Variants in SPATA22 observed in about 807,000 individuals in gnomAD.
SPATA22 encodes spermatogenesis associated 22.
A neutral mutation model predicts 47.8 loss-of-function variants in SPATA22; 29 were observed. That is an observed-to-expected ratio of 0.61 (90% confidence interval 0.45 to 0.83). The LOEUF is 0.83. SPATA22 is among the 40% of genes least tolerant of loss of function. The pLI is 0.00. For synonymous variants in SPATA22, 133 were observed against 140.9 expected (o/e 0.94, Z 0.40); for missense variants, 410 against 421.7 (o/e 0.97, Z 0.24).
upstream of SPATA22, among the ~76,000 whole-genome samples, chr17:3,473,221 T>A (rs530993366): frequency 4.6e-5 from 7 of 152,310 alleles, no homozygotes; most frequent in East Asian, 9.6e-4. Context: ...TTTATACTTG[T>A]CTTTTTCTGC....
chr17:3,506,952 A>G (rs2074045663), intron 1 of SPATA22, among the ~76,000 whole-genome samples: 1 of 137,472 alleles, frequency 7.3e-6, no homozygotes, highest in Non-Finnish European at 1.6e-5. Context: ...AAGACAGAAA[A>G]AGAGAGAGAG....
At chr17:3,462,435 G>T in intron 5 of SPATA22, 48 bp downstream of exon 5, 1 of 1,320,284 alleles carries the variant, frequency 7.6e-7, no homozygotes, top group Non-Finnish European at 1.1e-6. Flanking sequence ...GAGGAAGACA[G>T]GAAAATGAGA....
chr17:3,443,333 AAG>A, intron 7 of SPATA22, 62 bp from the exon 8 acceptor site: 3 of 1,191,072 alleles, frequency 2.5e-6, no homozygotes, highest in Non-Finnish European at 2.4e-6. Flanking sequence ...AAATTTAACA[AAG>A]AGAAGCTGAT....
At chr17:3,447,789 A>C (rs1350174103) in intron 6 of SPATA22, among the ~76,000 whole-genome samples, 3 of 152,158 alleles carry the variant, frequency 2.0e-5, no homozygotes, top group African/African-American at 7.2e-5. Context: ...GTGATGTAAC[A>C]TTTAAGACAG....
rs1477701159 is a variant in SPATA22 at position 3,465,135 on chromosome 17, AC to A, written c.172+2290del. On this transcript the variant is annotated intron_variant, in intron 3 of 8. Coordinates refer to ENST00000572969, the MANE Select transcript of SPATA22 (RefSeq NM_001170698.2). ...TGAGGAGCGTCTCCGCCCGGCAGCC[AC>A]CCCGTCCGGGAGGGAGGTGGGGGGG... Among the ~76,000 whole-genome samples, 5 of 102,404 alleles carry A rather than the reference AC, an allele frequency of 4.9e-5. 1 individual carries two copies. In the East Asian group the frequency reaches 1.8e-3, roughly 37 times the overall value. The allele number at this position is 102,404 out of a possible 152,430, so 67.2% of individuals were successfully genotyped here.
intron 5 of SPATA22, among the ~76,000 whole-genome samples, chr17:3,452,356 G>A (rs2072882376): frequency 6.6e-6 from 1 of 151,186 alleles, no homozygotes. Flanking sequence ...CACTTTGGGA[G>A]GCCGAGGCAG....
At chr17:3,482,239 A>C (rs985781784) in intron 1 of SPATA22, among the ~76,000 whole-genome samples, 1 of 152,216 alleles carries the variant, frequency 6.6e-6, no homozygotes, top group African/African-American at 2.4e-5. Context: ...AACTTAAGAA[A>C]TAGTCCTTTA....
Position 3,461,442 on chromosome 17 carries a change from C to A in SPATA22, c.329+1041G>T, listed in dbSNP as rs147848459. Among the ~76,000 whole-genome samples the A allele has an allele frequency of 1.8e-3, 279 of 152,220 alleles. 1 individual carries two copies. The highest frequency in any genetic ancestry group is 6.6e-3 in the African/African-American group (273 of 41,546). On this transcript the variant is annotated intron_variant, in intron 5 of 8. Coordinates refer to ENST00000572969, the MANE Select transcript of SPATA22 (RefSeq NM_001170698.2). ...GTAATATCCAATACTGGCTGCCTGTCCAGATTACAATCTGTTTACCTAATT... is the reference window on the plus strand; with the variant it reads ...GTAATATCCAATACTGGCTGCCTGTACAGATTACAATCTGTTTACCTAATT...
chr17:3,507,736 T>G (rs2074055308), intron 1 of SPATA22, among the ~76,000 whole-genome samples: 1 of 152,160 alleles, frequency 6.6e-6, no homozygotes, highest in South Asian at 2.1e-4. Context: ...ATAACCAACA[T>G]GACCGGAAGA....
chr17:3,479,614 C>T (rs2073592831), intron 1 of SPATA22, among the ~76,000 whole-genome samples: 1 of 152,008 alleles, frequency 6.6e-6, no homozygotes, highest in Non-Finnish European at 1.5e-5. Context: ...ACCATCTCAA[C>T]GTGGCCCTTT....
intron 3 of SPATA22, among the ~76,000 whole-genome samples, chr17:3,463,505 T>C (rs1402638005): frequency 6.6e-6 from 1 of 152,094 alleles, no homozygotes; most frequent in East Asian, 1.9e-4. Flanking sequence ...TAAAAACCAA[T>C]ACACCTAAGA....
intron 1 of SPATA22, chr17:3,483,652 A>G (rs1316236831): frequency 1.4e-6 from 2 of 1,462,268 alleles, no homozygotes; most frequent in East Asian, 4.5e-5. Flanking sequence ...AAACTCAGAG[A>G]AATTTATTTT....
At chr17:3,468,143 A>C (rs1266004391) in intron 2 of SPATA22, 1 of 152,210 alleles carries the variant, frequency 6.6e-6, no homozygotes, top group Non-Finnish European at 1.5e-5. Flanking sequence ...TATTTTGTGG[A>C]TCATTTTGAG....
intron 7 of SPATA22, among the ~76,000 whole-genome samples, chr17:3,445,205 T>C (rs1449638971): frequency 6.6e-6 from 1 of 152,152 alleles, no homozygotes; most frequent in Non-Finnish European, 1.5e-5. Flanking sequence ...GTTCTACCTC[T>C]GACAGTATTC....
At chr17:3,481,195 A>T (rs2073621073) in intron 1 of SPATA22, among the ~76,000 whole-genome samples, 1 of 152,192 alleles carries the variant, frequency 6.6e-6, no homozygotes. Flanking sequence ...GTGCACTAGA[A>T]TTAGCTAAAG....
At position 3,440,168 on chromosome 17, in the gene SPATA22, A is replaced by C. The variant is rs774503292; in HGVS notation, c.1071T>G (p.Ile357Met). 1.3e-5 allele frequency: 21 copies of C among 1,591,330 alleles called. No individual in the cohort carries two copies. The South Asian group carries it at 2.3e-4, about 17-fold the overall frequency. ...KIADVEMQYY[I>M]NVMNET ...CTACTTAAGTTTCATTCATCACATT[A>C]ATATAATACTGCATCTCAACATCTG... Residue 357 changes from isoleucine (I) to methionine (M), a missense_variant, in exon 9 of 9, where the codon ATT becomes ATG. Transcript: ENST00000572969.
chr17:3,478,954 A>G (rs543706395), intron 1 of SPATA22, among the ~76,000 whole-genome samples: 2 of 152,288 alleles, frequency 1.3e-5, no homozygotes, highest in Admixed American at 1.3e-4. Flanking sequence ...CAGTTTTACT[A>G]CCTTAGTTGA....
intron 3 of SPATA22, among the ~76,000 whole-genome samples, chr17:3,467,193 T>C (rs2073334043): frequency 6.6e-6 from 1 of 152,202 alleles, no homozygotes; most frequent in South Asian, 2.1e-4. Context: ...ACTACTTTAT[T>C]AGAACAAAGA....
chr17:3,506,189 T>C (rs1649830693), intron 1 of SPATA22, among the ~76,000 whole-genome samples: 1 of 152,188 alleles, frequency 6.6e-6, no homozygotes, highest in South Asian at 2.1e-4. Context: ...TGGCAGACAG[T>C]AGTTCCTGAA....
Sources: gnomAD v4.1 joint callset for allele counts (sites outside exome capture counted in the v4.1 genomes callset) on GRCh38, gnomAD v4.1.1 for gene constraint, MANE v1.5 for transcripts, NCBI Gene and HGNC (gene_info 2026-07-23, HGNC 2026-07-21) for gene names.